Variants in SLC24A3 observed in about 807,000 individuals in gnomAD.
The protein encoded by SLC24A3 is sodium/potassium/calcium exchanger 3.
A neutral mutation model predicts 75.8 loss-of-function variants in SLC24A3; 28 were observed. The observed-to-expected ratio is 0.37, with a 90% CI of 0.27 to 0.51. SLC24A3 has a LOEUF of 0.51. Among genes scored for constraint, SLC24A3 ranks in the 20% least tolerant of loss-of-function variants. The pLI, the probability that SLC24A3 is intolerant of heterozygous loss-of-function variation, is 0.94. For missense variants in SLC24A3, 663 were observed against 847.8 expected (o/e 0.78, Z 2.71); for synonymous variants, 372 against 334.1 (o/e 1.11, Z -1.24).
chr20:19,425,823 G>A (rs762824960), intron 2 of SLC24A3, among the ~76,000 whole-genome samples: 14 of 152,088 alleles, frequency 9.2e-5, no homozygotes, highest in Non-Finnish European at 2.1e-4. Flanking sequence ...CATTCCTTAT[G>A]CATGTTGGTG....
Position 19,370,544 on chromosome 20 carries a change from A to G in SLC24A3, c.271+89457A>G, listed in dbSNP as rs1289799162. ...TGGCTTGAAGCCAGACAGTCCGTGGATTGGAGTATCCATTTAATGGACACC... is the reference window on the plus strand; with the variant it reads ...TGGCTTGAAGCCAGACAGTCCGTGGGTTGGAGTATCCATTTAATGGACACC... On this transcript the variant is annotated intron_variant, in intron 2 of 16. Coordinates refer to ENST00000328041, the MANE Select transcript of SLC24A3 (RefSeq NM_020689.4). 2.0e-5 allele frequency among the ~76,000 whole-genome samples: 3 copies of G among 152,224 alleles called. 1 individual carries two copies. The highest frequency in any genetic ancestry group is 1.3e-4 in the Admixed American group (2 of 15,280).
intron 2 of SLC24A3, among the ~76,000 whole-genome samples, chr20:19,468,464 G>T (rs560072350): frequency 6.6e-6 from 1 of 152,010 alleles, no homozygotes; most frequent in Non-Finnish European, 1.5e-5. Context: ...GAGAGTATGG[G>T]TATAGAGACC....
chr20:19,460,595 G>A (rs1987653546), intron 2 of SLC24A3, among the ~76,000 whole-genome samples: 1 of 152,132 alleles, frequency 6.6e-6, no homozygotes, highest in Non-Finnish European at 1.5e-5. Context: ...TAGCAGTGGG[G>A]CCATGACTCA....
At chr20:19,556,647 T>C in intron 3 of SLC24A3, among the ~76,000 whole-genome samples, 1 of 151,794 alleles carries the variant, frequency 6.6e-6, no homozygotes, top group Non-Finnish European at 1.5e-5. Flanking sequence ...AAGTCACTGC[T>C]ACAAACGGCT....
At chr20:19,438,553 T>C (rs1036885601) in intron 2 of SLC24A3, among the ~76,000 whole-genome samples, 7 of 151,678 alleles carry the variant, frequency 4.6e-5, no homozygotes, top group African/African-American at 1.5e-4. Context: ...AAGCAACTCA[T>C]TGGTCTCTGC....
chr20:19,675,846 A>G (rs1428809783), intron 9 of SLC24A3, among the ~76,000 whole-genome samples: 2 of 152,180 alleles, frequency 1.3e-5, no homozygotes. Context: ...TCAAAGAGCA[A>G]AACTATATAG....
chr20:19,716,041 T>C (rs1167421971), intron 15 of SLC24A3, among the ~76,000 whole-genome samples: 1 of 152,220 alleles, frequency 6.6e-6, no homozygotes, highest in Non-Finnish European at 1.5e-5. Context: ...TTCTTAAACT[T>C]TCCTGTGCAT....
intron 2 of SLC24A3, among the ~76,000 whole-genome samples, chr20:19,459,949 A>T (rs917923367): frequency 2.6e-5 from 4 of 152,172 alleles, no homozygotes; most frequent in African/African-American, 9.7e-5. Flanking sequence ...GCAGATTATG[A>T]CACAGTAGGT....
intron 1 of SLC24A3, among the ~76,000 whole-genome samples, chr20:19,220,966 A>G (rs1981693159): frequency 6.6e-6 from 1 of 152,180 alleles, no homozygotes; most frequent in South Asian, 2.1e-4. Context: ...CTGTACTTAA[A>G]TTTCCTGTCC....
At chr20:19,406,496 A>C (rs1024902255) in intron 2 of SLC24A3, among the ~76,000 whole-genome samples, 6 of 152,194 alleles carry the variant, frequency 3.9e-5, no homozygotes, top group African/African-American at 1.4e-4. Context: ...AATTCAATTC[A>C]AAAATGTTTA....
At chr20:19,441,078 G>A (rs940070666) in intron 2 of SLC24A3, among the ~76,000 whole-genome samples, 1 of 152,264 alleles carries the variant, frequency 6.6e-6, no homozygotes. Context: ...CCACTCCTGG[G>A]TGAGGCAGCT....
intron 2 of SLC24A3, among the ~76,000 whole-genome samples, chr20:19,285,705 AT>A (rs10712128): frequency 0.51 from 75,138 of 146,894 alleles, 20,516 homozygotes; most frequent in African/African-American, 0.74. Flanking sequence ...GCCTGGAAAC[AT>A]TTTTTTTTTT....
chr20:19,319,661 C>T (rs568298061), intron 2 of SLC24A3, among the ~76,000 whole-genome samples: 1 of 152,296 alleles, frequency 6.6e-6, no homozygotes, highest in African/African-American at 2.4e-5. Flanking sequence ...AGGTTGGATG[C>T]AGTGAGATTT....
At chr20:19,584,899 C>T (rs903450443) in intron 4 of SLC24A3, 72 bp from the exon 5 acceptor site, 178 of 1,409,258 alleles carry the variant, frequency 1.3e-4, no homozygotes, top group Non-Finnish European at 1.7e-4. Flanking sequence ...CTTGGACTCT[C>T]GGGTGTCACA....
chr20:19,551,731 C>A (rs1373423292), intron 3 of SLC24A3, among the ~76,000 whole-genome samples: 2 of 152,152 alleles, frequency 1.3e-5, no homozygotes, highest in African/African-American at 4.8e-5. Flanking sequence ...AAGGCTCTTC[C>A]CTCCTTTCTT....
In SLC24A3 at chr20:19,494,434, A is replaced by G. The variant is rs146176622; in HGVS notation, c.272-21054A>G. ...AGGATGCTTGGTTCTGTCCAGACTCATTGCCTTCCAAGTAATGAAATCATC... is the reference window on the plus strand; with the variant it reads ...AGGATGCTTGGTTCTGTCCAGACTCGTTGCCTTCCAAGTAATGAAATCATC... On this transcript the variant is annotated intron_variant, in intron 2 of 16. Coordinates refer to ENST00000328041, the MANE Select transcript of SLC24A3 (RefSeq NM_020689.4). Among the ~76,000 whole-genome samples the G allele has an allele frequency of 7.5e-3, 1,147 of 152,332 alleles. 13 individuals are homozygous for G. The highest frequency in any genetic ancestry group is 0.013 in the Non-Finnish European group (891 of 68,028).
chr20:19,467,646 C>T (rs1003301319), intron 2 of SLC24A3, among the ~76,000 whole-genome samples: 2 of 152,000 alleles, frequency 1.3e-5, no homozygotes, highest in African/African-American at 2.4e-5. Flanking sequence ...TTTGAGAGCC[C>T]GAGGAGTGTG....
chr20:19,690,641 G>A (rs1535245), intron 12 of SLC24A3, among the ~76,000 whole-genome samples: 21,311 of 152,068 alleles, frequency 0.14, 2,463 homozygotes, highest in African/African-American at 0.31. Context: ...AGCACATTGC[G>A]GGATTTAGGA....
chr20:19,623,199 T>G (rs1232658723), intron 6 of SLC24A3, among the ~76,000 whole-genome samples: 1 of 152,226 alleles, frequency 6.6e-6, no homozygotes, highest in Non-Finnish European at 1.5e-5. Context: ...AGTCTTTAAT[T>G]GAACAAGTGG....
Sources: allele counts gnomAD v4.1 joint callset (sites outside exome capture counted in the v4.1 genomes callset), GRCh38; gene constraint gnomAD v4.1.1; transcripts MANE v1.5; gene names NCBI Gene and HGNC (gene_info 2026-07-23, HGNC 2026-07-21).